ASXL3: variants seen among roughly 807,000 people sequenced by gnomAD.
ASXL3 encodes the protein putative Polycomb group protein ASXL3.
A neutral mutation model predicts 170.6 loss-of-function variants in ASXL3; 34 were observed. The observed-to-expected ratio is 0.20, with a 90% CI of 0.15 to 0.27. The LOEUF (loss-of-function observed/expected upper bound fraction) is 0.27. Ranked by LOEUF, ASXL3 falls within the 10% of genes least tolerant of loss-of-function variation. The pLI is 1.00. For synonymous variants in ASXL3, 1,002 were observed against 989.1 expected (o/e 1.01, Z -0.24); for missense variants, 2,592 against 2,695.3 (o/e 0.96, Z 0.85).
intron 11 of ASXL3, among the ~76,000 whole-genome samples, chr18:33,740,930 A>T (rs1483177006): frequency 6.6e-6 from 1 of 152,212 alleles, no homozygotes; most frequent in African/African-American, 2.4e-5. Context: ...TTATTCCATC[A>T]TAGCATTGGT....
At chr18:33,593,314 C>G (rs1213328217) in intron 1 of ASXL3, among the ~76,000 whole-genome samples, 5 of 148,774 alleles carry the variant, frequency 3.4e-5, no homozygotes, top group Admixed American at 1.3e-4. Context: ...GAAGTACCCC[C>G]ACCAGCAGAT....
chr18:33,673,977 A>C (rs1270319001), intron 7 of ASXL3, among the ~76,000 whole-genome samples: 3 of 152,232 alleles, frequency 2.0e-5, no homozygotes, highest in Non-Finnish European at 4.4e-5. Context: ...AAGTGAAGTC[A>C]CATTCACTGG....
At chr18:33,596,015 A>G (rs1253871905) in intron 1 of ASXL3, among the ~76,000 whole-genome samples, 3 of 152,112 alleles carry the variant, frequency 2.0e-5, no homozygotes, top group East Asian at 1.9e-4. Context: ...TTTCTTGTCA[A>G]TTCATTGTCT....
chr18:33,646,187 A>G lies in ASXL3; in HGVS notation c.247-58A>G, dbSNP rs563774133. 1.8e-5 allele frequency: 24 copies of G among 1,315,336 alleles called. No individual in the cohort carries two copies. The South Asian group carries it at 2.6e-4, about 14-fold the overall frequency. 81.5% of individuals were successfully genotyped at this position (1,315,336 alleles called of 1,614,324 possible). ...CTGTAGGATTCTGCAAGTATTTTGA[A>G]TGTTTTTAGTTGCTAATACATCTTC... On this transcript the variant is annotated intron_variant, in intron 3 of 11. Transcript: ENST00000269197.
chr18:33,662,609 A>G (rs1047416999), intron 5 of ASXL3, among the ~76,000 whole-genome samples: 3 of 152,032 alleles, frequency 2.0e-5, no homozygotes, highest in Non-Finnish European at 2.9e-5. Context: ...TGATAACACA[A>G]AGAGTGTCAG....
At chr18:33,683,968 G>A (rs2066553254) in intron 8 of ASXL3, among the ~76,000 whole-genome samples, 1 of 152,072 alleles carries the variant, frequency 6.6e-6, no homozygotes, top group Admixed American at 6.6e-5. Context: ...TTTCCAAAAG[G>A]CATTTAAAAT....
intron 1 of ASXL3, among the ~76,000 whole-genome samples, chr18:33,592,269 A>C (rs2065084645): frequency 6.6e-6 from 1 of 152,196 alleles, no homozygotes; most frequent in Non-Finnish European, 1.5e-5. Context: ...TTTATATTAA[A>C]TAGAATCTAC....
chr18:33,740,862 T>TTATAA (rs1276109792), intron 11 of ASXL3, among the ~76,000 whole-genome samples: 2 of 152,238 alleles, frequency 1.3e-5, no homozygotes, highest in Non-Finnish European at 2.9e-5. Flanking sequence ...TCTCTGTCAC[T>TTATAA]TATACTGACT....
At position 33,744,081 on chromosome 18, in the gene ASXL3, G is replaced by A. The variant is rs750741858; in HGVS notation, c.4233G>A (p.Pro1411=). 9.9e-6 allele frequency: 16 copies of A among 1,613,964 alleles called. No individual in the cohort carries two copies. The highest frequency in any genetic ancestry group is 5.3e-5 in the African/African-American group (4 of 75,050). Reference sequence around the variant, plus strand: ...TCACAGACTCTCTGGTTGCACACCCGACCGTCGCAATGTTTACTGGAAACA... The same window carrying A: ...TCACAGACTCTCTGGTTGCACACCCAACCGTCGCAATGTTTACTGGAAACA... The part of the protein sequence containing the change: ...VAVTDSLVAH[P]TVAMFTGNML... Residue 1411 remains proline, a synonymous_variant, in exon 12 of 12, where the codon CCG becomes CCA. Coordinates refer to ENST00000269197, the MANE Select transcript of ASXL3 (RefSeq NM_030632.3).
chr18:33,619,918 T>G (rs1352145679), intron 2 of ASXL3, among the ~76,000 whole-genome samples: 1 of 152,118 alleles, frequency 6.6e-6, no homozygotes, highest in Non-Finnish European at 1.5e-5. Flanking sequence ...ACATCGTTTT[T>G]CCTTTTGAGA....
chr18:33,624,766 T>G (rs544773373), intron 2 of ASXL3, among the ~76,000 whole-genome samples: 20 of 152,276 alleles, frequency 1.3e-4, no homozygotes, highest in African/African-American at 4.1e-4. Context: ...ATTTGCTGTC[T>G]CTTAGGAGGT....
intron 2 of ASXL3, chr18:33,614,664 AG>A (rs2065391745): frequency 6.6e-6 from 1 of 152,194 alleles, no homozygotes; most frequent in African/African-American, 2.4e-5. Flanking sequence ...GTCTTAAATA[AG>A]AAGACTTGAA....
intron 2 of ASXL3, among the ~76,000 whole-genome samples, chr18:33,612,741 T>A (rs1187569123): frequency 2.0e-5 from 3 of 152,136 alleles, no homozygotes; most frequent in African/African-American, 7.2e-5. Flanking sequence ...AGATTTACGT[T>A]GCTAATTAGT....
chr18:33,744,888 A>C lies in ASXL3; in HGVS notation c.5040A>C (p.Arg1680Ser). 1.2e-6 allele frequency: 2 copies of C among 1,614,030 alleles called. No individual in the cohort carries two copies. The highest frequency in any genetic ancestry group is 8.5e-7 in the Non-Finnish European group (1 of 1,179,904). The change falls in exon 12 of 12, where the codon AGA becomes AGC. Residue 1680 changes from arginine to serine, a missense_variant. Transcript: ENST00000269197. ...TTCACGAAGCAGACAAGGGCTTTAGAATGGACACTGAAGACTTCCCTGGCC... is the reference window on the plus strand; with the variant it reads ...TTCACGAAGCAGACAAGGGCTTTAGCATGGACACTGAAGACTTCCCTGGCC... ...SELHEADKGF[R>S]MDTEDFPGPE...
intron 4 of ASXL3, among the ~76,000 whole-genome samples, chr18:33,655,974 G>C (rs1053912128): frequency 2.0e-5 from 3 of 151,824 alleles, no homozygotes; most frequent in African/African-American, 7.3e-5. Flanking sequence ...AAATTCTTAT[G>C]GCCTCCAACT....
At chr18:33,676,375 G>T (rs1437951984) in intron 7 of ASXL3, among the ~76,000 whole-genome samples, 3 of 152,070 alleles carry the variant, frequency 2.0e-5, no homozygotes, top group African/African-American at 7.2e-5. Context: ...CATGGCCAGG[G>T]TTATGTATGA....
intron 10 of ASXL3, among the ~76,000 whole-genome samples, chr18:33,735,578 A>G (rs572965412): frequency 1.5e-4 from 23 of 152,334 alleles, no homozygotes; most frequent in African/African-American, 5.3e-4. Context: ...AGTTGAGCCC[A>G]GGAGTCTGTG....
At chr18:33,655,927 T>G (rs1340153933) in intron 4 of ASXL3, among the ~76,000 whole-genome samples, 1 of 152,094 alleles carries the variant, frequency 6.6e-6, no homozygotes, top group East Asian at 1.9e-4. Context: ...ATTAATGGTC[T>G]ATATCTAGAC....
chr18:33,655,310 A>G (rs191049988), intron 4 of ASXL3, among the ~76,000 whole-genome samples: 1 of 152,136 alleles, frequency 6.6e-6, no homozygotes, highest in East Asian at 1.9e-4. Flanking sequence ...GCAGGTTATA[A>G]AATATAGTAA....
Sources: gnomAD v4.1 joint callset for allele counts (sites outside exome capture counted in the v4.1 genomes callset) on GRCh38, gnomAD v4.1.1 for gene constraint, MANE v1.5 for transcripts, NCBI Gene and HGNC (gene_info 2026-07-23, HGNC 2026-07-21) for gene names.